The following ALK variants were observed in gnomAD, a reference collection of about 807,000 sequenced individuals.
ALK encodes the protein ALK tyrosine kinase receptor.
Under a neutral mutation model 163.1 loss-of-function variants are expected in ALK, and 74 were observed. That is an observed-to-expected ratio of 0.45 (90% CI 0.38 to 0.55). The LOEUF is 0.55. ALK is among the 20% of genes least tolerant of loss of function. The pLI, the probability that ALK is intolerant of heterozygous loss-of-function variation, is 0.00. For missense variants in ALK, 2,063 were observed against 2,105.3 expected (o/e 0.98, Z 0.39); for synonymous variants, 960 against 843.2 (o/e 1.14, Z -2.40).
intron 4 of ALK, among the ~76,000 whole-genome samples, chr2:29,443,006 C>T (rs1379007140): frequency 1.3e-5 from 2 of 152,198 alleles, no homozygotes; most frequent in East Asian, 1.9e-4. Flanking sequence ...TCTGGGAGCA[C>T]GTCCTGTGTG....
intron 1 of ALK, among the ~76,000 whole-genome samples, chr2:29,719,244 T>G (rs1299930263): frequency 6.6e-6 from 1 of 152,238 alleles, no homozygotes; most frequent in Non-Finnish European, 1.5e-5. Context: ...CTCTTGGGTA[T>G]CTAGGAAAGA....
At chr2:29,535,029 T>C (rs1437821542) in intron 3 of ALK, among the ~76,000 whole-genome samples, 1 of 152,248 alleles carries the variant, frequency 6.6e-6, no homozygotes, top group East Asian at 1.9e-4. Flanking sequence ...ATACATTTCA[T>C]AAGCTCCTTG....
intron 1 of ALK, among the ~76,000 whole-genome samples, chr2:29,759,928 T>C (rs1315114734): frequency 6.6e-6 from 1 of 152,198 alleles, no homozygotes; most frequent in Non-Finnish European, 1.5e-5. Context: ...ATAAACACAC[T>C]GTACACTGGG....
At chr2:29,436,146 A>T (rs1349746403) in intron 4 of ALK, among the ~76,000 whole-genome samples, 2 of 152,198 alleles carry the variant, frequency 1.3e-5, no homozygotes, top group Non-Finnish European at 1.5e-5. Context: ...GAGCTAACCA[A>T]TAAAGGAAAC....
intron 22 of ALK, 63 bp from the exon 23 acceptor site, chr2:29,220,898 G>T (rs1669784803): frequency 1.2e-6 from 2 of 1,605,048 alleles, no homozygotes; most frequent in Non-Finnish European, 1.7e-6. Context: ...ATCTTAAACT[G>T]GGAGGAACAG....
intron 23 of ALK, among the ~76,000 whole-genome samples, chr2:29,217,080 G>T (rs1343925418): frequency 7.0e-6 from 1 of 142,038 alleles, no homozygotes; most frequent in African/African-American, 2.6e-5. Context: ...TGTAGTGTAT[G>T]TAAGTGGTAT....
chr2:29,491,220 G>A (rs1346600869), intron 4 of ALK, among the ~76,000 whole-genome samples: 2 of 152,176 alleles, frequency 1.3e-5, no homozygotes, highest in African/African-American at 2.4e-5. Flanking sequence ...CATGTCTAAT[G>A]TCTCATGTGG....
At chr2:29,810,715 C>T (rs1226107140) in intron 1 of ALK, among the ~76,000 whole-genome samples, 1 of 152,156 alleles carries the variant, frequency 6.6e-6, no homozygotes, top group East Asian at 1.9e-4. Context: ...CTGGCTGTCT[C>T]TTAGGCCTTA....
At chr2:29,534,235 G>T (rs114234006) in intron 3 of ALK, among the ~76,000 whole-genome samples, 4 of 152,140 alleles carry the variant, frequency 2.6e-5, no homozygotes, top group African/African-American at 9.7e-5. Flanking sequence ...GGGGCAAGAG[G>T]GAATTAATAT....
At chr2:29,874,248 C>A (rs1009724447) in intron 1 of ALK, among the ~76,000 whole-genome samples, 1 of 151,950 alleles carries the variant, frequency 6.6e-6, no homozygotes, top group Admixed American at 6.6e-5. Flanking sequence ...CCACCCCACC[C>A]CCGCCACCCA....
At chr2:29,386,961 C>T (rs1669046249) in intron 4 of ALK, among the ~76,000 whole-genome samples, 1 of 152,202 alleles carries the variant, frequency 6.6e-6, no homozygotes, top group South Asian at 2.1e-4. Context: ...TATTAGGGTC[C>T]TGCTTTTGTC....
chr2:29,761,142 C>T (rs919792222), intron 1 of ALK, among the ~76,000 whole-genome samples: 2 of 152,144 alleles, frequency 1.3e-5, no homozygotes, highest in African/African-American at 4.8e-5. Context: ...CCTTAGTAGC[C>T]CCCTACTCAC....
chr2:29,427,528 C>A (rs1341648321), intron 4 of ALK, among the ~76,000 whole-genome samples: 1 of 151,184 alleles, frequency 6.6e-6, no homozygotes, highest in Non-Finnish European at 1.5e-5. Flanking sequence ...CCTAGAGAAA[C>A]TACTAAGAAA....
rs1290309289 is a variant in ALK, at chr2:29,498,295, CAGGCT to C, written c.1154+33615_1154+33619del. On this transcript the variant is annotated intron_variant, in intron 4 of 28. Transcript: ENST00000389048. ...TTGGGAGATATCCTTCATTATTTGT[CAGGCT>C]ACTTAGGCAAGGAAATACACTTATT... is the stretch of plus-strand genomic sequence containing the variant. 3.3e-5 allele frequency among the ~76,000 whole-genome samples: 5 copies of C among 152,178 alleles called. No individual in the cohort carries two copies. In the South Asian group the frequency reaches 1.0e-3, roughly 32 times the overall value.
intron 3 of ALK, among the ~76,000 whole-genome samples, chr2:29,646,385 A>G (rs1676876693): frequency 6.6e-6 from 1 of 152,056 alleles, no homozygotes; most frequent in African/African-American, 2.4e-5. Flanking sequence ...CTACACATCT[A>G]CATGCTTCAG....
intron 5 of ALK, among the ~76,000 whole-genome samples, chr2:29,349,594 CT>C (rs1668054161): frequency 6.6e-6 from 1 of 152,176 alleles, no homozygotes; most frequent in Non-Finnish European, 1.5e-5. Flanking sequence ...GTTTTAAATA[CT>C]CTAGTGCAAA....
chr2:29,383,550 C>G (rs985665862), intron 5 of ALK, among the ~76,000 whole-genome samples, 182 bp downstream of exon 5: 3 of 152,178 alleles, frequency 2.0e-5, no homozygotes, highest in Non-Finnish European at 4.4e-5. Context: ...CTCTTGACCT[C>G]AAGTGATCCA....
chr2:29,533,081 T>C (rs758694476), intron 3 of ALK, among the ~76,000 whole-genome samples: 3 of 152,138 alleles, frequency 2.0e-5, no homozygotes, highest in African/African-American at 7.2e-5. Context: ...AAAAGGAAGG[T>C]GTTGTTCCAG....
intron 4 of ALK, among the ~76,000 whole-genome samples, chr2:29,516,396 G>C (rs1672664681): frequency 1.3e-5 from 2 of 152,214 alleles, no homozygotes; most frequent in Admixed American, 1.3e-4. Flanking sequence ...CTAGGATCCT[G>C]CCTCCCAGGT....
Sources: gnomAD v4.1 joint callset for allele counts (sites outside exome capture counted in the v4.1 genomes callset) on GRCh38, gnomAD v4.1.1 for gene constraint, MANE v1.5 for transcripts, NCBI Gene and HGNC (gene_info 2026-07-23, HGNC 2026-07-21) for gene names.